The following THNSL1 variants were observed in gnomAD, a reference collection of about 807,000 sequenced individuals.
THNSL1 encodes the protein threonine synthase like 1.
Under a neutral mutation model 50.4 loss-of-function variants are expected in THNSL1, and 48 were observed. The observed-to-expected ratio is 0.95, with a 90% confidence interval of 0.76 to 1.21. THNSL1 has a LOEUF of 1.21. Among genes scored for constraint, THNSL1 ranks in the 50% most tolerant of loss-of-function variants. THNSL1 has a pLI of 0.00. For synonymous variants in THNSL1, 309 were observed against 306.1 expected, an observed-to-expected ratio of 1.01 and a Z score of -0.10; for missense variants, 896 against 871.7, an observed-to-expected ratio of 1.03 and a Z score of -0.35.
the THNSL1 span, among the ~76,000 whole-genome samples, chr10:25,010,124 G>A: frequency 1.3e-5 from 2 of 152,216 alleles, no homozygotes; most frequent in Non-Finnish European, 2.9e-5. Context: ...GCTTCCTAGA[G>A]ACTTGTTGAA....
chr10:25,023,165 G>A lies in THNSL1; in HGVS notation c.-48-11G>A. On this transcript the variant is annotated splice_polypyrimidine_tract_variant and intron_variant, in intron 2 of 2. Coordinates refer to ENST00000376356, the MANE Select transcript of THNSL1 (RefSeq NM_024838.5). ...TTTTGTTGTTTTTTGTTTGTTTTGT[G>A]TTTTGAAAAGGGCTAAAGCCAATTT... The A allele has an allele frequency of 6.6e-7, 1 of 1,512,940 alleles. No homozygotes were observed. The highest frequency in any genetic ancestry group is 8.9e-7 in the Non-Finnish European group (1 of 1,126,822). The allele number at this position is 1,512,940 out of a possible 1,614,324, so 93.7% of individuals were successfully genotyped here.
chr10:24,995,553 G>C, the THNSL1 span: 2 of 1,110,100 alleles, frequency 1.8e-6, no homozygotes, highest in Non-Finnish European at 2.6e-6. Context: ...TGTCCAATGA[G>C]AGCACTAATA....
At chr10:24,974,928 C>T in the THNSL1 span, among the ~76,000 whole-genome samples, 27 of 152,300 alleles carry the variant, frequency 1.8e-4, no homozygotes, top group Admixed American at 7.2e-4. Context: ...CCTAACTCAT[C>T]CATCCCACTG....
the THNSL1 span, among the ~76,000 whole-genome samples, chr10:24,975,774 A>T: frequency 6.6e-6 from 1 of 152,194 alleles, no homozygotes; most frequent in Non-Finnish European, 1.5e-5. Context: ...AAATTAGCCA[A>T]TCTTGGGTAG....
the THNSL1 span, among the ~76,000 whole-genome samples, chr10:25,011,025 C>T: frequency 1.9e-4 from 29 of 149,862 alleles, no homozygotes; most frequent in African/African-American, 7.0e-4. Context: ...GCCACACTGA[C>T]TTCCACAATG....
At chr10:25,022,202 A>G (rs975504126) in intron 2 of THNSL1, among the ~76,000 whole-genome samples, 8 of 152,128 alleles carry the variant, frequency 5.3e-5, no homozygotes, top group Non-Finnish European at 1.2e-4. Flanking sequence ...TTTTTGTTTT[A>G]ATGGTGAGTA....
At chr10:24,954,529 A>G in the THNSL1 span, among the ~76,000 whole-genome samples, 1 of 152,124 alleles carries the variant, frequency 6.6e-6, no homozygotes, top group East Asian at 1.9e-4. Context: ...GATGTAAGGG[A>G]AATGGTAGAT....
chr10:24,991,872 G>A, the THNSL1 span, among the ~76,000 whole-genome samples: 35 of 152,286 alleles, frequency 2.3e-4, no homozygotes, highest in Admixed American at 7.8e-4. Context: ...CGCCCACTGC[G>A]GCTTCAGGAG....
the THNSL1 span, among the ~76,000 whole-genome samples, chr10:25,011,270 T>C: frequency 6.6e-6 from 1 of 152,216 alleles, no homozygotes; most frequent in Non-Finnish European, 1.5e-5. Context: ...TTCATGTCCT[T>C]TGCCCACTTT....
chr10:24,978,351 C>T, the THNSL1 span, among the ~76,000 whole-genome samples: 1 of 151,974 alleles, frequency 6.6e-6, no homozygotes, highest in African/African-American at 2.4e-5. Context: ...TGGAAACTCT[C>T]ATTCTAGATA....
At chr10:25,004,182 G>A in the THNSL1 span, among the ~76,000 whole-genome samples, 1 of 152,236 alleles carries the variant, frequency 6.6e-6, no homozygotes. Context: ...TATCACTGAT[G>A]GGCATTTAGG....
upstream of THNSL1, among the ~76,000 whole-genome samples, chr10:25,013,680 C>T (rs868593994): frequency 5.9e-5 from 9 of 152,154 alleles, no homozygotes; most frequent in Non-Finnish European, 8.8e-5. Flanking sequence ...TGGTGGCTCA[C>T]GCCTATAATC....
the THNSL1 span, among the ~76,000 whole-genome samples, chr10:24,976,185 G>A: frequency 6.6e-6 from 1 of 152,234 alleles, no homozygotes; most frequent in South Asian, 2.1e-4. Flanking sequence ...GGACTCAGGC[G>A]AGAAGTGTAC....
At chr10:24,995,721 A>C in the THNSL1 span, 369 of 1,614,032 alleles carry the variant, frequency 2.3e-4, 1 homozygote, top group African/African-American at 4.5e-3. Flanking sequence ...TATCAACATA[A>C]ATTGGTTTAG....
the THNSL1 span, among the ~76,000 whole-genome samples, chr10:24,991,847 G>A: frequency 2.0e-5 from 3 of 152,280 alleles, no homozygotes; most frequent in Middle Eastern, 3.4e-3. Flanking sequence ...AACCAAAAGA[G>A]CACCCTGTAA....
the THNSL1 span, among the ~76,000 whole-genome samples, chr10:24,979,759 C>A: frequency 1.3e-5 from 2 of 152,196 alleles, no homozygotes; most frequent in Non-Finnish European, 2.9e-5. Context: ...AAATTTCCAA[C>A]TAGATGCCAC....
chr10:24,977,821 T>A, the THNSL1 span, among the ~76,000 whole-genome samples: 1 of 152,234 alleles, frequency 6.6e-6, no homozygotes, highest in African/African-American at 2.4e-5. Flanking sequence ...ACATTAGTTG[T>A]CTCAGGAAAG....
the THNSL1 span, chr10:24,995,900 T>G: frequency 6.4e-7 from 1 of 1,553,320 alleles, no homozygotes; most frequent in East Asian, 2.2e-5. Flanking sequence ...TTGTTAATAT[T>G]AAACTACAAA....
the THNSL1 span, chr10:24,999,334 A>C: frequency 6.8e-7 from 1 of 1,463,220 alleles, no homozygotes; most frequent in African/African-American, 1.5e-5. Context: ...ATTCATCAAC[A>C]ATAAAATAAT....
Sources: allele counts gnomAD v4.1 joint callset (sites outside exome capture counted in the v4.1 genomes callset), GRCh38; gene constraint gnomAD v4.1.1; transcripts MANE v1.5; gene names NCBI Gene and HGNC (gene_info 2026-07-23, HGNC 2026-07-21).